Variants in ADRA1A observed in about 807,000 individuals in gnomAD.
ADRA1A encodes the protein adrenoceptor alpha 1A.
In ADRA1A, 31 loss-of-function variants were observed where a neutral mutation model predicts 29.6. The ratio of observed to expected loss-of-function variants is 1.05; its 90% CI spans 0.79 to 1.41. The LOEUF (loss-of-function observed/expected upper bound fraction) is 1.41, where lower values mean the gene tolerates loss of function less well. Ranked by LOEUF, ADRA1A falls within the 40% of genes most tolerant of loss-of-function variation. The probability of loss-of-function intolerance (pLI) is 0.00; values close to 1 mark genes in which losing one functional copy is unlikely to be tolerated. For synonymous variants in ADRA1A, 311 were observed against 254.3 expected (o/e 1.22, Z -2.12); for missense variants, 619 against 601.1 (o/e 1.03, Z -0.31).
Position 26,864,649 on chromosome 8 carries a change from C to A in ADRA1A, c.321G>T (p.Val107=). The A allele has an allele frequency of 6.2e-7, 1 of 1,614,200 alleles. No homozygotes were observed. Among genetic ancestry groups the A allele is most frequent in the Non-Finnish European group, 8.5e-7 (1 of 1,180,054 alleles). The change falls in exon 2 of 3, where the codon GTG becomes GTT. Residue 107 remains valine (V), a synonymous_variant. Transcript: ENST00000380573. This position sits in a 1 kb window ranked among gnomAD's most constrained non-coding sequence, Gnocchi z 8.1. Reference sequence around the variant, plus strand: ...CCATGATGGACGCGGTGCAGCACAGCACATCCACTGCCGCCCAGATGTTGC... The same window carrying A: ...CCATGATGGACGCGGTGCAGCACAGAACATCCACTGCCGCCCAGATGTTGC... ...VFCNIWAAVD[V]LCCTASIMGL...
chr8:26,771,300 T>C (rs1806124565), intron 2 of ADRA1A, among the ~76,000 whole-genome samples: 1 of 152,246 alleles, frequency 6.6e-6, no homozygotes, highest in Non-Finnish European at 1.5e-5. Flanking sequence ...CAAATGTGTG[T>C]CTTTGCTTCA....
At chr8:26,753,628 A>G (rs1805020582), downstream of ADRA1A, among the ~76,000 whole-genome samples, 1 of 152,180 alleles carries the variant, frequency 6.6e-6, no homozygotes, top group African/African-American at 2.4e-5. Context: ...CTACTTACAA[A>G]CGGATAAATG....
intron 2 of ADRA1A, among the ~76,000 whole-genome samples, chr8:26,776,894 G>A (rs1425536054): frequency 1.3e-5 from 2 of 152,154 alleles, no homozygotes; most frequent in Non-Finnish European, 2.9e-5. Flanking sequence ...GTTTCTCCTT[G>A]TTCAGCGAGT....
chr8:26,814,507 T>C (rs1160587832), intron 2 of ADRA1A, among the ~76,000 whole-genome samples: 1 of 152,212 alleles, frequency 6.6e-6, no homozygotes, highest in South Asian at 2.1e-4. Flanking sequence ...AGGAATCCTA[T>C]CACCTTGGCC....
chr8:26,763,140 C>T (rs1306001377), downstream of ADRA1A, among the ~76,000 whole-genome samples: 1 of 152,032 alleles, frequency 6.6e-6, no homozygotes, highest in Non-Finnish European at 1.5e-5. The surrounding 1 kb of genome is among the most constrained non-coding windows in gnomAD (Gnocchi z 4.5). Flanking sequence ...TGGAAATGCC[C>T]CTCATACCCA....
Position 26,866,968 on chromosome 8 carries a change from C to G in ADRA1A, c.-719G>C, listed in dbSNP as rs1813948080. On this transcript the variant is annotated 5_prime_UTR_variant, in exon 1 of 3. Transcript: ENST00000380573. This position sits in a 1 kb window ranked among gnomAD's most constrained non-coding sequence, Gnocchi z 5.7. ...GCCGCTGCTGAGCCACCAGCTCGCGCGCGGGGGATGTGGACCCGGCTTCGG... is the reference window on the plus strand; with the variant it reads ...GCCGCTGCTGAGCCACCAGCTCGCGGGCGGGGGATGTGGACCCGGCTTCGG... 8 of 985,272 alleles carry G rather than the reference C, an allele frequency of 8.1e-6. No individual in the cohort carries two copies. The highest frequency in any genetic ancestry group is 9.6e-6 in the Non-Finnish European group (8 of 829,862). 61.0% of individuals were successfully genotyped at this position (985,272 alleles called of 1,614,324 possible).
At chr8:26,818,692 G>A (rs1028824237) in intron 2 of ADRA1A, among the ~76,000 whole-genome samples, 1 of 151,988 alleles carries the variant, frequency 6.6e-6, no homozygotes, top group Admixed American at 6.6e-5. Flanking sequence ...TAATACCTCT[G>A]GAAATGAGGT....
intron 2 of ADRA1A, among the ~76,000 whole-genome samples, chr8:26,781,090 TG>T (rs1357915106): frequency 6.6e-6 from 1 of 152,236 alleles, no homozygotes; most frequent in African/African-American, 2.4e-5. Flanking sequence ...AAAATTTGTC[TG>T]CCATGAAACC....
At chr8:26,790,008 A>G (rs932664825) in intron 2 of ADRA1A, among the ~76,000 whole-genome samples, 3 of 152,166 alleles carry the variant, frequency 2.0e-5, no homozygotes, top group Non-Finnish European at 2.9e-5. Flanking sequence ...GTTGGTGGGA[A>G]TGTAAACTAG....
intron 2 of ADRA1A, among the ~76,000 whole-genome samples, chr8:26,751,288 G>A (rs1585616915): frequency 6.6e-6 from 1 of 152,178 alleles, no homozygotes; most frequent in East Asian, 1.9e-4. Context: ...ATAACATGTG[G>A]GGAGTGAGTA....
chr8:26,853,113 A>T (rs1218220414), intron 2 of ADRA1A, among the ~76,000 whole-genome samples: 3 of 150,284 alleles, frequency 2.0e-5, no homozygotes, highest in African/African-American at 7.3e-5. Context: ...ATTTTTATTG[A>T]ATAATATTAA....
chr8:26,801,244 G>A (rs957567247), intron 2 of ADRA1A, among the ~76,000 whole-genome samples: 13 of 152,034 alleles, frequency 8.6e-5, no homozygotes, highest in South Asian at 4.1e-4. Context: ...TTTCACTGCC[G>A]TTATTTAACA....
intron 2 of ADRA1A, among the ~76,000 whole-genome samples, chr8:26,778,103 G>A (rs1301709055): frequency 6.6e-6 from 1 of 152,154 alleles, no homozygotes; most frequent in Non-Finnish European, 1.5e-5. Context: ...CTGAGCTGCT[G>A]GAATTAAAAC....
intron 2 of ADRA1A, among the ~76,000 whole-genome samples, chr8:26,838,672 G>C (rs1445239401): frequency 6.6e-6 from 1 of 152,202 alleles, no homozygotes; most frequent in Admixed American, 6.5e-5. Flanking sequence ...CACAAAGCAA[G>C]GGAGAACCAG....
chr8:26,769,988 C>G lies in ADRA1A; in HGVS notation c.*161G>C, dbSNP rs1219269433. On this transcript the variant is annotated 3_prime_UTR_variant, in exon 3 of 3. Transcript: ENST00000380573. ...GAGACACCCTCCCTCTTCCCTGTGC[C>G]CTACCCGCTGCCTGATGAGTTGGGT... 7.1e-5 allele frequency: 102 copies of G among 1,436,754 alleles called. No homozygotes were observed. The Middle Eastern group carries it at 2.5e-3, about 36-fold the overall frequency. The allele number at this position is 1,436,754 out of a possible 1,614,324, so 89.0% of individuals were successfully genotyped here.
rs754251205 is a variant in ADRA1A at position 26,864,506 on chromosome 8, A to C, written c.464T>G (p.Leu155Arg). The change falls in exon 2 of 3, where the codon CTG becomes CGG. Residue 155 changes from leucine (L) to arginine (R), a missense_variant. Transcript: ENST00000380573. This position sits in a 1 kb window ranked among gnomAD's most constrained non-coding sequence, Gnocchi z 8.1. ...GAACAGGGGTCCAATGGATATGACCAGGGAGAGTGCCCAGACGCAGAGCAG... is the reference window on the plus strand; with the variant it reads ...GAACAGGGGTCCAATGGATATGACCCGGGAGAGTGCCCAGACGCAGAGCAG... ...MALLCVWALS[L>R]VISIGPLFGW... is the part of the protein sequence containing the mutation. 1 of 1,613,994 alleles carries C rather than the reference A, an allele frequency of 6.2e-7. No individual in the cohort carries two copies. The highest frequency in any genetic ancestry group is 1.7e-5 in the Admixed American group (1 of 60,018).
chr8:26,795,193 T>C (rs961609062), intron 2 of ADRA1A, among the ~76,000 whole-genome samples: 13 of 152,176 alleles, frequency 8.5e-5, no homozygotes, highest in Middle Eastern at 3.4e-3. Context: ...TTATTGCTAC[T>C]GGTCAGGTGG....
At chr8:26,803,527 A>T (rs1808751483) in intron 2 of ADRA1A, among the ~76,000 whole-genome samples, 1 of 152,224 alleles carries the variant, frequency 6.6e-6, no homozygotes, top group Non-Finnish European at 1.5e-5. Flanking sequence ...GAGTAGTGAA[A>T]TATTTCCTGG....
chr8:26,786,479 T>G (rs954990997), intron 2 of ADRA1A, among the ~76,000 whole-genome samples: 1 of 151,940 alleles, frequency 6.6e-6, no homozygotes, highest in African/African-American at 2.4e-5. Flanking sequence ...TGTACTCCAT[T>G]GAGTACATCT....
Sources: gnomAD v4.1 joint callset for allele counts (sites outside exome capture counted in the v4.1 genomes callset) on GRCh38, gnomAD v4.1.1 for gene constraint, Gnocchi (gnomAD v3.1) non-coding constraint, MANE v1.5 for transcripts, NCBI Gene and HGNC (gene_info 2026-07-23, HGNC 2026-07-21) for gene names.